ERC2: variants seen among roughly 807,000 people sequenced by gnomAD.
The protein encoded by ERC2 is ELKS/RAB6-interacting/CAST family member 2, also known as ERC protein 2.
Under a neutral mutation model 114.8 loss-of-function variants are expected in ERC2, and 42 were observed. The observed-to-expected ratio is 0.37, with a 90% CI of 0.29 to 0.47. The LOEUF is 0.47. Among genes scored for constraint, ERC2 ranks in the 20% least tolerant of loss-of-function variants. The probability of loss-of-function intolerance (pLI) is 0.99; values close to 1 mark genes in which losing one functional copy is unlikely to be tolerated. For synonymous variants in ERC2, 454 were observed against 425.5 expected (o/e 1.07, Z -0.82); for missense variants, 939 against 1,150.7 (o/e 0.82, Z 2.66).
chr3:56,357,931 C>T (rs909384951), intron 2 of ERC2, among the ~76,000 whole-genome samples: 6 of 151,548 alleles, frequency 4.0e-5, no homozygotes, highest in Admixed American at 6.6e-5. Context: ...CCACATCAAA[C>T]GACATCATCC....
chr3:56,103,779 CTAT>C (rs2078493697), intron 6 of ERC2, among the ~76,000 whole-genome samples: 2 of 151,912 alleles, frequency 1.3e-5, no homozygotes, highest in African/African-American at 2.4e-5. Context: ...ATCTATCTAT[CTAT>C]CTATCCATCC....
At chr3:55,646,296 C>T (rs1471803362) in intron 17 of ERC2, among the ~76,000 whole-genome samples, 2 of 152,194 alleles carry the variant, frequency 1.3e-5, no homozygotes, top group East Asian at 3.8e-4. Flanking sequence ...TGAGCTGTCA[C>T]CTGAGAGCTG....
At chr3:55,855,767 G>T (rs1295764129) in intron 14 of ERC2, among the ~76,000 whole-genome samples, 3 of 152,242 alleles carry the variant, frequency 2.0e-5, no homozygotes, top group Non-Finnish European at 4.4e-5. Flanking sequence ...GCAAGGATTT[G>T]TCAGAGATAT....
intron 10 of ERC2, among the ~76,000 whole-genome samples, chr3:56,002,787 T>C (rs1245671974): frequency 6.6e-6 from 1 of 152,178 alleles, no homozygotes; most frequent in East Asian, 1.9e-4. Context: ...TATGCTTGTG[T>C]TTGAAGGATT....
At position 56,316,456 on chromosome 3, in the gene ERC2, G is replaced by C. The variant is rs1340040328; in HGVS notation, c.658-20021C>G. On this transcript the variant is annotated intron_variant, in intron 2 of 17. Coordinates refer to ENST00000288221, the MANE Select transcript of ERC2 (RefSeq NM_015576.3). ...TACTGAGATCTAATGTGGGAGACTAGTTAAGAACCTGAGTCCTGAATTCAA... is the reference window on the plus strand; with the variant it reads ...TACTGAGATCTAATGTGGGAGACTACTTAAGAACCTGAGTCCTGAATTCAA... 2.0e-5 allele frequency among the ~76,000 whole-genome samples: 3 copies of C among 152,122 alleles called. No individual in the cohort carries two copies. The East Asian group carries it at 5.8e-4, about 29-fold the overall frequency.
intron 14 of ERC2, among the ~76,000 whole-genome samples, chr3:55,745,844 T>C (rs2066268429): frequency 6.6e-6 from 1 of 152,190 alleles, no homozygotes; most frequent in Admixed American, 6.5e-5. Flanking sequence ...TTAGCCCCCA[T>C]AGCATCCAAT....
At chr3:56,432,046 T>G (rs977915058) in intron 2 of ERC2, among the ~76,000 whole-genome samples, 6 of 152,226 alleles carry the variant, frequency 3.9e-5, no homozygotes, top group African/African-American at 1.4e-4. Context: ...CCTCATGAAA[T>G]GGACAAATGG....
At chr3:55,965,936 A>T (rs1335470113) in intron 12 of ERC2, among the ~76,000 whole-genome samples, 1 of 152,206 alleles carries the variant, frequency 6.6e-6, no homozygotes, top group African/African-American at 2.4e-5. Flanking sequence ...CCCCTGATTA[A>T]ATGAGAAGAC....
intron 15 of ERC2, among the ~76,000 whole-genome samples, chr3:55,721,641 C>T (rs2064560650): frequency 6.6e-6 from 1 of 152,242 alleles, no homozygotes; most frequent in South Asian, 2.1e-4. Flanking sequence ...ACTCTTGGGT[C>T]CATTCTCAGA....
intron 3 of ERC2, among the ~76,000 whole-genome samples, chr3:56,213,041 G>A (rs1215883155): frequency 6.6e-6 from 1 of 152,114 alleles, no homozygotes; most frequent in East Asian, 1.9e-4. Flanking sequence ...GGGTGGGAGG[G>A]ATGTGAAGGA....
At chr3:56,348,874 A>T (rs2058418120) in intron 2 of ERC2, among the ~76,000 whole-genome samples, 1 of 72,930 alleles carries the variant, frequency 1.4e-5, no homozygotes, top group African/African-American at 5.9e-5. Context: ...AAAGAAAGGA[A>T]GGAAGGAAGG....
At chr3:56,016,626 A>G (rs1292343304) in intron 8 of ERC2, among the ~76,000 whole-genome samples, 2 of 152,020 alleles carry the variant, frequency 1.3e-5, no homozygotes. Flanking sequence ...GCCTAACAAT[A>G]GAGACTTTCA....
intron 13 of ERC2, among the ~76,000 whole-genome samples, chr3:55,914,527 C>T (rs1188690697): frequency 1.3e-5 from 2 of 152,128 alleles, no homozygotes; most frequent in Non-Finnish European, 2.9e-5. Flanking sequence ...TCTGTTGATA[C>T]ACATACAACT....
chr3:56,306,531 G>T (rs370176820), intron 2 of ERC2, among the ~76,000 whole-genome samples: 3 of 152,290 alleles, frequency 2.0e-5, no homozygotes, highest in African/African-American at 7.2e-5. Context: ...CTTAGACAAG[G>T]TTCAAGGGCA....
intron 3 of ERC2, among the ~76,000 whole-genome samples, chr3:56,182,915 A>G (rs1294102795): frequency 6.6e-6 from 1 of 152,246 alleles, no homozygotes; most frequent in African/African-American, 2.4e-5. Flanking sequence ...ATTAGATATT[A>G]AAACTTAAAA....
chr3:55,892,143 T>A (rs2063640235), intron 13 of ERC2, among the ~76,000 whole-genome samples: 1 of 152,202 alleles, frequency 6.6e-6, no homozygotes, highest in Middle Eastern at 3.2e-3. Context: ...TTAAGTGAGA[T>A]GATGTAGCCC....
At chr3:55,885,661 T>C (rs1213499746) in intron 14 of ERC2, among the ~76,000 whole-genome samples, 1 of 152,238 alleles carries the variant, frequency 6.6e-6, no homozygotes. Context: ...TGGAAAAAGT[T>C]TATATGTTTT....
At chr3:56,271,438 G>A (rs1161205125) in intron 3 of ERC2, among the ~76,000 whole-genome samples, 3 of 152,144 alleles carry the variant, frequency 2.0e-5, no homozygotes, top group Non-Finnish European at 1.5e-5. Flanking sequence ...CTGCTTCCCA[G>A]CAGTGTGAAC....
At chr3:56,121,800 C>T (rs2079592403) in intron 6 of ERC2, among the ~76,000 whole-genome samples, 1 of 152,072 alleles carries the variant, frequency 6.6e-6, no homozygotes, top group South Asian at 2.1e-4. Context: ...TGGGCGTTTT[C>T]TTCAAGTTTT....
Sources: gnomAD v4.1 joint callset for allele counts (sites outside exome capture counted in the v4.1 genomes callset) on GRCh38, gnomAD v4.1.1 for gene constraint, MANE v1.5 for transcripts, NCBI Gene and HGNC (gene_info 2026-07-23, HGNC 2026-07-21) for gene names.